RBFOX1: variants seen among roughly 807,000 people sequenced by gnomAD.
RBFOX1 encodes RNA binding fox-1 homolog 1, also known as RNA binding protein fox-1 homolog 1.
Under a neutral mutation model 57.7 loss-of-function variants are expected in RBFOX1, and 8 were observed. The ratio of observed to expected loss-of-function variants is 0.14; its 90% CI spans 0.08 to 0.25. The LOEUF (loss-of-function observed/expected upper bound fraction) is 0.25, where lower values mean the gene tolerates loss of function less well. Among genes scored for constraint, RBFOX1 ranks in the 10% least tolerant of loss-of-function variants. RBFOX1 has a pLI of 1.00. For missense variants in RBFOX1, 611 were observed against 548.5 expected, an observed-to-expected ratio of 1.11 and a Z score of -1.14; for synonymous variants, 326 against 222.4, an observed-to-expected ratio of 1.47 and a Z score of -4.15.
intron 1 of RBFOX1, among the ~76,000 whole-genome samples, chr16:6,243,202 AT>A (rs1472408655): frequency 1.3e-5 from 2 of 151,712 alleles, no homozygotes; most frequent in Non-Finnish European, 2.9e-5. Context: ...AAGCTTTTTC[AT>A]TTGAAAACAT....
chr16:7,024,872 A>T (rs954504496), intron 3 of RBFOX1, among the ~76,000 whole-genome samples: 1 of 152,192 alleles, frequency 6.6e-6, no homozygotes, highest in Non-Finnish European at 1.5e-5. Context: ...AGAAAACTAC[A>T]GATGGAAGGG....
intron 3 of RBFOX1, among the ~76,000 whole-genome samples, chr16:6,893,973 C>T (rs1051364627): frequency 3.3e-5 from 5 of 152,100 alleles, no homozygotes; most frequent in African/African-American, 7.2e-5. Flanking sequence ...GCTATGATGT[C>T]TTCTAATATC....
intron 1 of RBFOX1, among the ~76,000 whole-genome samples, chr16:5,251,675 C>T (rs556034744): frequency 3.9e-5 from 6 of 152,038 alleles, no homozygotes; most frequent in African/African-American, 1.2e-4. Flanking sequence ...GGAGTGAGGG[C>T]GGGGAATTCA....
intron 5 of RBFOX1, among the ~76,000 whole-genome samples, chr16:7,547,193 C>CTT (rs2084808796): frequency 6.6e-6 from 1 of 152,144 alleles, no homozygotes; most frequent in Non-Finnish European, 1.5e-5. Context: ...CTTATAAGGC[C>CTT]ATAAATATTG....
In RBFOX1 at chr16:6,871,593, A is replaced by G. The variant is rs191187398; in HGVS notation, c.-15-180464A>G. Among the ~76,000 whole-genome samples, 789 of 151,180 alleles carry G rather than the reference A, an allele frequency of 5.2e-3. 6 individuals are homozygous for G. Among genetic ancestry groups the G allele is most frequent in the Non-Finnish European group, 7.8e-3 (527 of 67,776 alleles). On this transcript the variant is annotated intron_variant, in intron 3 of 15. Transcript: ENST00000550418. ...TGACTGAAACTTTTTGCTTCTCTCC[A>G]TTCTCCTTCTATTCTCCTGGCCAAA...
intron 2 of RBFOX1, among the ~76,000 whole-genome samples, chr16:6,543,131 A>T (rs1167047924): frequency 6.6e-6 from 1 of 152,142 alleles, no homozygotes; most frequent in Non-Finnish European, 1.5e-5. Flanking sequence ...GGAGAGTTAC[A>T]CTCAAAATGT....
chr16:7,251,688 G>A (rs111886349), intron 4 of RBFOX1, among the ~76,000 whole-genome samples: 1,680 of 152,226 alleles, frequency 0.011, 36 homozygotes, highest in African/African-American at 0.038. Flanking sequence ...GCAAAGTCGT[G>A]GGATTACAGG....
At chr16:5,727,046 G>A (rs1308065371) in intron 3 of RBFOX1, among the ~76,000 whole-genome samples, 1 of 152,166 alleles carries the variant, frequency 6.6e-6, no homozygotes, top group African/African-American at 2.4e-5. Context: ...ATTACTTGAG[G>A]TCAGGAGTTT....
chr16:6,345,481 G>A (rs1481617075), intron 2 of RBFOX1, among the ~76,000 whole-genome samples: 1 of 152,118 alleles, frequency 6.6e-6, no homozygotes, highest in East Asian at 1.9e-4. Flanking sequence ...ATGTCTAATG[G>A]AAAGCTGCTT....
intron 4 of RBFOX1, among the ~76,000 whole-genome samples, chr16:7,427,214 T>A (rs910343490): frequency 6.6e-6 from 1 of 152,080 alleles, no homozygotes; most frequent in African/African-American, 2.4e-5. Flanking sequence ...TGTATACATA[T>A]GTAACAAACC....
At chr16:7,084,806 T>C (rs1320476645) in intron 4 of RBFOX1, among the ~76,000 whole-genome samples, 1 of 151,924 alleles carries the variant, frequency 6.6e-6, no homozygotes, top group Non-Finnish European at 1.5e-5. Context: ...TATTCCCCCC[T>C]CTCTCATGTC....
intron 1 of RBFOX1, among the ~76,000 whole-genome samples, chr16:6,147,874 A>C (rs1052705266): frequency 7.9e-5 from 12 of 152,176 alleles, no homozygotes; most frequent in Non-Finnish European, 1.6e-4. Context: ...CAAAATAAGA[A>C]TCTCAAATCC....
chr16:5,695,045 A>G (rs2050806281), intron 3 of RBFOX1, among the ~76,000 whole-genome samples: 1 of 152,096 alleles, frequency 6.6e-6, no homozygotes, highest in Admixed American at 6.5e-5. Context: ...GATTACCAAG[A>G]CACTGACAGT....
chr16:7,376,886 G>C (rs2097695054), intron 4 of RBFOX1, among the ~76,000 whole-genome samples: 1 of 151,936 alleles, frequency 6.6e-6, no homozygotes, highest in Admixed American at 6.6e-5. Flanking sequence ...CCAGTGTCTG[G>C]ATTTCCTAGG....
At chr16:5,244,493 A>G (rs1596290868) in intron 1 of RBFOX1, among the ~76,000 whole-genome samples, 1 of 151,824 alleles carries the variant, frequency 6.6e-6, no homozygotes, top group Admixed American at 6.6e-5. Context: ...TGCAGAGCCG[A>G]CTCCCTGAGA....
rs1284268592 is a variant in RBFOX1 at position 6,483,334 on chromosome 16, T to C, written c.-64+166277T>C. ...CGCGCTCGGGGCGTTCTGCACCTGC[T>C]GGCGGTCGTGCCAGGCAGCCCGGGC... On this transcript the variant is annotated intron_variant, in intron 2 of 15. Transcript: ENST00000550418. The C allele has an allele frequency of 3.4e-6, 5 of 1,471,468 alleles. No individual in the cohort carries two copies. The African/African-American group carries it at 4.2e-5, about 12-fold the overall frequency. The allele number at this position is 1,471,468 out of a possible 1,614,324, so 91.2% of individuals were successfully genotyped here. A position where few individuals can be genotyped will look rare whatever the true frequency, so the allele number is the denominator to read the frequency against.
chr16:7,079,699 G>A (rs979877948), intron 4 of RBFOX1, among the ~76,000 whole-genome samples: 1 of 152,102 alleles, frequency 6.6e-6, no homozygotes, highest in Non-Finnish European at 1.5e-5. Context: ...GGCAAATGGA[G>A]GCTTTTGAGG....
At chr16:6,175,413 C>G (rs11642777) in intron 1 of RBFOX1, among the ~76,000 whole-genome samples, 65,285 of 151,900 alleles carry the variant, frequency 0.43, 14,320 homozygotes, top group Admixed American at 0.48. Flanking sequence ...ATTACACGTT[C>G]TGCTAGAGCT....
chr16:5,323,656 C>G lies in RBFOX1; in HGVS notation c.219+83551C>G, dbSNP rs181653973. On this transcript the variant is annotated intron_variant, in intron 1 of 2. Transcript: ENST00000585867. ...GTGCTGGAAGCTCTGAAAAGTAAAA[C>G]TTAGTTATTTATATGTTAATAAGCT... Among the ~76,000 whole-genome samples, 9 of 152,370 alleles carry G rather than the reference C, an allele frequency of 5.9e-5. 1 individual carries two copies. The East Asian group carries it at 1.7e-3, about 29-fold the overall frequency.
Sources: gnomAD v4.1 joint callset for allele counts (sites outside exome capture counted in the v4.1 genomes callset) on GRCh38, gnomAD v4.1.1 for gene constraint, MANE v1.5 for transcripts, NCBI Gene and HGNC (gene_info 2026-07-23, HGNC 2026-07-21) for gene names.